UVRAG: variants seen among roughly 807,000 people sequenced by gnomAD.
UVRAG encodes UV radiation resistance associated, also known as UV radiation resistance-associated gene protein.
In UVRAG, 19 loss-of-function variants were observed where a neutral mutation model predicts 78.0. The observed-to-expected ratio is 0.24, with a 90% CI of 0.17 to 0.36. The LOEUF (loss-of-function observed/expected upper bound fraction) is 0.36, where lower values mean the gene tolerates loss of function less well. Ranked by LOEUF, UVRAG falls within the 10% of genes least tolerant of loss-of-function variation. The pLI is 1.00. For missense variants in UVRAG, 740 were observed against 853.8 expected (o/e 0.87, Z 1.66); for synonymous variants, 323 against 324.6 (o/e 1.00, Z 0.05).
intron 1 of UVRAG, chr11:75,838,808 A>G (rs578106159): frequency 1.3e-5 from 2 of 152,352 alleles, no homozygotes; most frequent in East Asian, 1.9e-4. Context: ...AGGTGATACC[A>G]TGATACCATA....
chr11:76,086,330 T>G (rs771755257), intron 13 of UVRAG, among the ~76,000 whole-genome samples: 22 of 152,230 alleles, frequency 1.4e-4, no homozygotes, highest in Non-Finnish European at 3.2e-4. Flanking sequence ...TTTACTTTGT[T>G]TGGTAACCTT....
At chr11:75,817,255 G>C (rs1277541927) in intron 1 of UVRAG, among the ~76,000 whole-genome samples, 1 of 152,162 alleles carries the variant, frequency 6.6e-6, no homozygotes, top group Non-Finnish European at 1.5e-5. Flanking sequence ...GGGCCAAGAA[G>C]GTTTTAGTTT....
chr11:75,921,492 C>T (rs1046091985), intron 6 of UVRAG, among the ~76,000 whole-genome samples: 2 of 152,080 alleles, frequency 1.3e-5, no homozygotes, highest in Non-Finnish European at 2.9e-5. Context: ...CTGACAATTA[C>T]ATCTTGACTT....
chr11:75,928,335 G>C (rs956793369), intron 6 of UVRAG, among the ~76,000 whole-genome samples: 4 of 152,158 alleles, frequency 2.6e-5, no homozygotes, highest in African/African-American at 4.8e-5. Flanking sequence ...TTTTGCTCAA[G>C]GCATTCCAAC....
chr11:75,925,672 A>G (rs965788051), intron 6 of UVRAG, among the ~76,000 whole-genome samples: 6 of 152,218 alleles, frequency 3.9e-5, no homozygotes, highest in Non-Finnish European at 2.9e-5. Context: ...TTTTCTACAA[A>G]GGGCCTACAC....
intron 5 of UVRAG, 111 bp downstream of exon 5, chr11:75,889,014 AT>A: frequency 1.1e-6 from 1 of 897,184 alleles, no homozygotes. Context: ...CATGCTTTAA[AT>A]TTGTTGCTTA....
rs142614678 is a variant in UVRAG at position 75,846,251 on chromosome 11, T to C, written c.118-5632T>C. Among the ~76,000 whole-genome samples, 300 of 152,310 alleles carry C rather than the reference T, an allele frequency of 2.0e-3. 2 individuals are homozygous for C. The highest frequency in any genetic ancestry group is 6.8e-3 in the African/African-American group (284 of 41,562). On this transcript the variant is annotated intron_variant, in intron 1 of 14. Coordinates refer to ENST00000356136, the MANE Select transcript of UVRAG (RefSeq NM_003369.4). ...ATAGGCTAAAAGTGTTATTAAGACT[T>C]ACCGCGTTTCAGTCATTAGACAAGT...
chr11:75,893,670 CAA>C (rs1048785134), intron 5 of UVRAG, among the ~76,000 whole-genome samples: 3,307 of 60,286 alleles, frequency 0.055, 139 homozygotes, highest in African/African-American at 0.16. Context: ...CTATCTCTAC[CAA>C]AAAAAAAAAA....
At chr11:76,086,829 A>G (rs1257121470) in intron 13 of UVRAG, among the ~76,000 whole-genome samples, 1 of 152,250 alleles carries the variant, frequency 6.6e-6, no homozygotes, top group African/African-American at 2.4e-5. Context: ...TTGATCCCCA[A>G]GGCTGTGGAT....
intron 7 of UVRAG, among the ~76,000 whole-genome samples, chr11:75,977,341 T>A (rs1320942234): frequency 6.6e-6 from 1 of 152,216 alleles, no homozygotes; most frequent in Non-Finnish European, 1.5e-5. Context: ...AGGGTGTATA[T>A]TCTGTTGATT....
Position 75,861,727 on chromosome 11 carries a change from CTTT to C in UVRAG, c.236-15_236-13del. 1 of 1,580,420 alleles carries C rather than the reference CTTT, an allele frequency of 6.3e-7. No individual in the cohort carries two copies. Among genetic ancestry groups the C allele is most frequent in the Non-Finnish European group, 8.7e-7 (1 of 1,153,654 alleles). ...ATTTTCTTTCATATCACTTATTGTT[CTTT>C]TTTCTTCTTTTCCAGAATTTTATAG... is the stretch of plus-strand genomic sequence containing the variant. On this transcript the variant is annotated splice_polypyrimidine_tract_variant and intron_variant, in intron 2 of 14. Coordinates refer to ENST00000356136, the MANE Select transcript of UVRAG (RefSeq NM_003369.4).
intron 3 of UVRAG, among the ~76,000 whole-genome samples, chr11:75,869,328 T>C (rs905661430): frequency 1.3e-5 from 2 of 152,230 alleles, no homozygotes; most frequent in African/African-American, 4.8e-5. Context: ...AGATTGTGAC[T>C]GAGGAGCTGT....
chr11:76,084,420 GA>G (rs2134415829), intron 13 of UVRAG, among the ~76,000 whole-genome samples: 1 of 152,242 alleles, frequency 6.6e-6, no homozygotes, highest in South Asian at 2.1e-4. Flanking sequence ...TGGAAGATGT[GA>G]AAAGCAAAGA....
intron 14 of UVRAG, among the ~76,000 whole-genome samples, chr11:76,131,901 GAA>G (rs1423418690): frequency 6.6e-6 from 1 of 152,180 alleles, no homozygotes; most frequent in African/African-American, 2.4e-5. Flanking sequence ...GAGAGGGAAA[GAA>G]GAAGGATAAA....
chr11:75,917,676 G>A (rs966505460), intron 6 of UVRAG, among the ~76,000 whole-genome samples: 3 of 152,068 alleles, frequency 2.0e-5, no homozygotes, highest in South Asian at 2.1e-4. Flanking sequence ...CACACTCATC[G>A]CGTTAATACT....
At position 76,101,392 on chromosome 11, in the gene UVRAG, T is replaced by C. The variant is rs11826025; in HGVS notation, c.1306-14532T>C. On this transcript the variant is annotated intron_variant, in intron 13 of 14. Transcript: ENST00000356136. Reference sequence around the variant, plus strand: ...TACTTGTTGGTTGCATGTATACTTTTGAACAGACACTTTTAAAAAGTGTCT... The same window carrying C: ...TACTTGTTGGTTGCATGTATACTTTCGAACAGACACTTTTAAAAAGTGTCT... Among the ~76,000 whole-genome samples, 659 of 152,272 alleles carry C rather than the reference T, an allele frequency of 4.3e-3. 7 individuals carry two copies. Among genetic ancestry groups the C allele is most frequent in the African/African-American group, 0.015 (618 of 41,576 alleles).
intron 2 of UVRAG, among the ~76,000 whole-genome samples, chr11:75,860,956 A>G (rs897065281): frequency 1.3e-5 from 2 of 151,960 alleles, no homozygotes; most frequent in African/African-American, 4.8e-5. Flanking sequence ...TAATTTTTGT[A>G]TTTTTAGTAG....
chr11:76,113,495 T>A (rs1053717245), intron 13 of UVRAG, among the ~76,000 whole-genome samples: 2 of 152,102 alleles, frequency 1.3e-5, no homozygotes, highest in Non-Finnish European at 2.9e-5. Context: ...AGCTAAAAGG[T>A]GTTCTCAGAG....
chr11:76,111,391 GA>G (rs1342633003), intron 13 of UVRAG, among the ~76,000 whole-genome samples: 1 of 152,052 alleles, frequency 6.6e-6, no homozygotes, highest in East Asian at 1.9e-4. Context: ...TATAGAAAAA[GA>G]AGTAATACTC....
Sources: allele counts gnomAD v4.1 joint callset (sites outside exome capture counted in the v4.1 genomes callset), GRCh38; gene constraint gnomAD v4.1.1; transcripts MANE v1.5; gene names NCBI Gene and HGNC (gene_info 2026-07-23, HGNC 2026-07-21).